The following GBA2 variants were observed in gnomAD, a reference collection of about 807,000 sequenced individuals.
GBA2 encodes glucosylceramidase beta 2.
A neutral mutation model predicts 112.9 loss-of-function variants in GBA2; 79 were observed. The ratio of observed to expected loss-of-function variants is 0.70; its 90% confidence interval spans 0.58 to 0.84. GBA2 has a LOEUF of 0.84. Among genes scored for constraint, GBA2 ranks in the 40% least tolerant of loss-of-function variants. The probability of loss-of-function intolerance (pLI) is 0.00; values close to 1 mark genes in which losing one functional copy is unlikely to be tolerated. For missense variants in GBA2, 1,043 were observed against 1,190.0 expected (o/e 0.88, Z 1.82); for synonymous variants, 403 against 434.3 (o/e 0.93, Z 0.90).
chr9:35,748,319 G>A (rs1827097077), intron 1 of GBA2, 27 bp downstream of exon 1: 3 of 1,372,366 alleles, frequency 2.2e-6, no homozygotes, highest in Non-Finnish European at 3.0e-6. Flanking sequence ...GAAGCCAAAG[G>A]CATTCTAGGC....
Position 35,739,618 on chromosome 9 carries a change from C to T in GBA2, c.1582+10G>A, listed in dbSNP as rs1826510006. On this transcript the variant is annotated intron_variant, in intron 9 of 16. Transcript: ENST00000378103. ...GGCCTGCCATATCCCAGCCCACCAG[C>T]ATCCTGTACCCTCAAGGTAGCCAAA... 1.2e-6 allele frequency: 2 copies of T among 1,612,012 alleles called. No homozygotes were observed. Among genetic ancestry groups the T allele is most frequent in the African/African-American group, 1.3e-5 (1 of 74,924 alleles).
intron 3 of GBA2, chr9:35,742,134 C>T: frequency 1.8e-6 from 1 of 558,664 alleles, no homozygotes; most frequent in East Asian, 3.0e-5. Flanking sequence ...AGCCCAATCT[C>T]CTGCTTTTTC....
In GBA2 at chr9:35,740,172, A is replaced by C. The variant is rs530698505; in HGVS notation, c.1283+37T>G. 5.8e-5 allele frequency: 93 copies of C among 1,613,960 alleles called. No homozygotes were observed. The South Asian group carries it at 1.0e-3, about 17-fold the overall frequency. ...AACACAAGCCCCAGGTCAGAGCCCC[A>C]GCACTCTGGATCCTTACACTTTCTT... On this transcript the variant is annotated intron_variant, in intron 7 of 16. Transcript: ENST00000378103. The surrounding 1 kb of genome is among the most constrained non-coding windows in gnomAD (Gnocchi z 4.7).
intron 1 of GBA2, 78 bp downstream of exon 1, chr9:35,748,268 C>T: frequency 1.1e-6 from 1 of 894,078 alleles, no homozygotes; most frequent in East Asian, 2.4e-5. Context: ...GCTTTCTTGC[C>T]CTTTCCCACC....
chr9:35,737,864 C>A lies in GBA2; in HGVS notation c.2389G>T (p.Ala797Ser). ...TGCATCCCATTCACAGCCCCCATGG[C>A]CCCTCCTGCAAAGGCCTGGACGTTC... ...ELNVQAFAGG[A>S]MGAVNGMQPH... Residue 797 changes from alanine to serine, a missense_variant, in exon 16 of 17, where the codon GCC becomes TCC. Physicochemically the swap from Ala to Ser is moderately conservative, Grantham distance 99. Transcript: ENST00000378103. The surrounding 1 kb of genome is among the most constrained non-coding windows in gnomAD (Gnocchi z 4.1). 1 of 1,613,718 alleles carries A rather than the reference C, an allele frequency of 6.2e-7. No homozygotes were observed. Among genetic ancestry groups the A allele is most frequent in the Non-Finnish European group, 8.5e-7 (1 of 1,179,874 alleles).
Position 35,748,847 on chromosome 9 carries a change from AG to A in GBA2, c.-144del, listed in dbSNP as rs1827145284. On this transcript the variant is annotated 5_prime_UTR_variant, in exon 1 of 17. An upstream open reading frame in the 5' UTR gains an earlier in-frame stop. Transcript: ENST00000378103. ...CTTAAATGAGCTGGTGTTTCAGTGG[AG>A]CCGGGGAGCTCTTGCTTCAGTGGGG... The A allele has an allele frequency of 1.7e-6, 1 of 598,702 alleles. No homozygotes were observed. The highest frequency in any genetic ancestry group is 2.9e-6 in the Non-Finnish European group (1 of 340,754). The allele number at this position is 598,702 out of a possible 1,614,324, so 37.1% of individuals were successfully genotyped here. A position where few individuals can be genotyped will look rare whatever the true frequency, so the allele number is the denominator to read the frequency against.
In GBA2 at chr9:35,739,051, C is replaced by T. The variant is rs370968821; in HGVS notation, c.1746G>A (p.Met582Ile). 3.1e-6 allele frequency: 5 copies of T among 1,613,616 alleles called. No individual in the cohort carries two copies. The highest frequency in any genetic ancestry group is 4.2e-6 in the Non-Finnish European group (5 of 1,179,798). The change falls in exon 11 of 17, where the codon ATG becomes ATA. Residue 582 changes from methionine to isoleucine, a missense_variant. Physicochemically the swap from Met to Ile is conservative, Grantham distance 10. Transcript: ENST00000378103. ...TGACGTTCCTCCTTTTCACAGGTGC[C>T]ATCACCCCACTCATCAGGTACCGTC... ...TRRRYLMSGV[M>I]APVKRRNVIP...
In GBA2 at chr9:35,741,135, C is replaced by G; in HGVS notation, c.787-71G>C. On this transcript the variant is annotated intron_variant, in intron 4 of 16. Transcript: ENST00000378103. The surrounding 1 kb of genome is among the most constrained non-coding windows in gnomAD (Gnocchi z 4.6). ...CTGACCCCACTCTGCTAGGATCAGT[C>G]CTGGGCACACAGAGGACCTGACTCA... is the stretch of plus-strand genomic sequence containing the variant. 1 of 1,545,080 alleles carries G rather than the reference C, an allele frequency of 6.5e-7. No homozygotes were observed. Among genetic ancestry groups the G allele is most frequent in the African/African-American group, 1.4e-5 (1 of 73,690 alleles).
chr9:35,741,321 G>GT lies in GBA2; in HGVS notation c.787-258dup. On this transcript the variant is annotated intron_variant, in intron 4 of 16. Coordinates refer to ENST00000378103, the MANE Select transcript of GBA2 (RefSeq NM_020944.3). The surrounding 1 kb of genome is among the most constrained non-coding windows in gnomAD (Gnocchi z 4.6). ...CAACCTCCCTTTCACAGGCCATGCAGTTTCTTTTTTTTTTTTTTTGGGGGG... is the reference window on the plus strand; with the variant it reads ...CAACCTCCCTTTCACAGGCCATGCAGTTTTCTTTTTTTTTTTTTTTGGGGGG... 1.9e-6 allele frequency: 1 copy of GT among 514,960 alleles called. No homozygotes were observed. Among genetic ancestry groups the GT allele is most frequent in the Non-Finnish European group, 3.4e-6 (1 of 291,316 alleles). The allele number at this position is 514,960 out of a possible 1,614,324, so 31.9% of individuals were successfully genotyped here. A position where few individuals can be genotyped will look rare whatever the true frequency, so the allele number is the denominator to read the frequency against.
Position 35,746,052 on chromosome 9 carries a change from C to T in GBA2, c.360-1346G>A, listed in dbSNP as rs1469033871. ...TATATACAAACTGTTATCTCAATTC[C>T]TAATCAGACATTGCCTTGTTATTTC... is the stretch of plus-strand genomic sequence containing the variant. On this transcript the variant is annotated intron_variant, in intron 1 of 16. Coordinates refer to ENST00000378103, the MANE Select transcript of GBA2 (RefSeq NM_020944.3). The surrounding 1 kb of genome is among the most constrained non-coding windows in gnomAD (Gnocchi z 5.2). Among the ~76,000 whole-genome samples, 19 of 152,174 alleles carry T rather than the reference C, an allele frequency of 1.2e-4. No homozygotes were observed.
chr9:35,737,634 G>A lies in GBA2; in HGVS notation c.2505+114C>T. 1.9e-6 allele frequency: 3 copies of A among 1,594,462 alleles called. No individual in the cohort carries two copies. The highest frequency in any genetic ancestry group is 2.6e-6 in the Non-Finnish European group (3 of 1,169,440). On this transcript the variant is annotated intron_variant, in intron 16 of 16. Transcript: ENST00000378103. The surrounding 1 kb of genome is among the most constrained non-coding windows in gnomAD (Gnocchi z 4.1). ...AATGCATACCAGGGAAAAATGGGAGGCTTTATAGACGGACAAGATGGCATT... is the reference window on the plus strand; with the variant it reads ...AATGCATACCAGGGAAAAATGGGAGACTTTATAGACGGACAAGATGGCATT...
In GBA2 at chr9:35,737,307, GC is replaced by G. The variant is rs1284766066; in HGVS notation, c.2645del (p.Ser882ThrfsTer7). ...GCAGGGCTAGCTGCATGGCCCATAT[GC>G]TCAGTGGCCGCATGTAGGCCAGTGA... ...FRSLAYMRPL[S>X]IWAMQLALQQ... On this transcript the variant is annotated frameshift_variant, in exon 17 of 17. Coordinates refer to ENST00000378103, the MANE Select transcript of GBA2 (RefSeq NM_020944.3). LOFTEE classifies it high-confidence loss of function. This position sits in a 1 kb window ranked among gnomAD's most constrained non-coding sequence, Gnocchi z 4.1. 1.2e-6 allele frequency: 2 copies of G among 1,614,088 alleles called. No homozygotes were observed. The highest frequency in any genetic ancestry group is 1.7e-6 in the Non-Finnish European group (2 of 1,179,996).
At chr9:35,744,583 T>A (rs1826879606) in intron 2 of GBA2, 32 bp downstream of exon 2, 1 of 1,371,388 alleles carries the variant, frequency 7.3e-7, no homozygotes, top group Non-Finnish European at 1.0e-6. Flanking sequence ...CTAGGCCTTC[T>A]CTGAGCAGAG....
rs1826671564 is a variant in GBA2 at position 35,741,372 on chromosome 9, G to GC, written c.786+299dup. 1 of 502,904 alleles carries GC rather than the reference G, an allele frequency of 2.0e-6. No individual in the cohort carries two copies. The highest frequency in any genetic ancestry group is 2.0e-5 in the African/African-American group (1 of 50,902). 31.2% of individuals were successfully genotyped at this position (502,904 alleles called of 1,614,324 possible). Reference sequence around the variant, plus strand: ...TGCGGTGGCGCAATCTCGGCTCACTGCAAGCTCCGCCTCCCGGGTTCACAC... The same window carrying GC: ...TGCGGTGGCGCAATCTCGGCTCACTGCCAAGCTCCGCCTCCCGGGTTCACAC... On this transcript the variant is annotated intron_variant, in intron 4 of 16. Coordinates refer to ENST00000378103, the MANE Select transcript of GBA2 (RefSeq NM_020944.3). This position sits in a 1 kb window ranked among gnomAD's most constrained non-coding sequence, Gnocchi z 4.6.
At chr9:35,743,392 A>G (rs548270285) in intron 3 of GBA2, 60 of 153,724 alleles carry the variant, frequency 3.9e-4, no homozygotes, top group African/African-American at 1.4e-3. Flanking sequence ...ACAGTATACA[A>G]AGAGCCTAGC....
Position 35,740,749 on chromosome 9 carries a change from G to A in GBA2, c.1026+76C>T. 2 of 1,572,152 alleles carry A rather than the reference G, an allele frequency of 1.3e-6. No individual in the cohort carries two copies. The highest frequency in any genetic ancestry group is 1.1e-5 in the South Asian group (1 of 88,850). ...GCCCAGGGGCTTACAGGAGTATGAT[G>A]AGGGTGGATGAAGAGACCATGCTGG... On this transcript the variant is annotated intron_variant, in intron 5 of 16. Coordinates refer to ENST00000378103, the MANE Select transcript of GBA2 (RefSeq NM_020944.3). The surrounding 1 kb of genome is among the most constrained non-coding windows in gnomAD (Gnocchi z 4.7).
chr9:35,743,651 A>C (rs1437744711), intron 3 of GBA2, among the ~76,000 whole-genome samples: 1 of 152,208 alleles, frequency 6.6e-6, no homozygotes, highest in Non-Finnish European at 1.5e-5. Flanking sequence ...GCAACTCTAA[A>C]GGGGCGGTCA....
intron 3 of GBA2, among the ~76,000 whole-genome samples, chr9:35,743,541 C>T (rs1826817021): frequency 6.6e-6 from 1 of 152,010 alleles, no homozygotes; most frequent in South Asian, 2.1e-4. Flanking sequence ...TAAACGTGAA[C>T]CAGGAAGGGT....
intron 1 of GBA2, 108 bp from the exon 2 acceptor site, chr9:35,744,814 C>A: frequency 1.4e-6 from 1 of 704,602 alleles, no homozygotes; most frequent in Non-Finnish European, 2.6e-6. Flanking sequence ...CCAAGGACAT[C>A]TGCTTTCAAA....
Sources: allele counts gnomAD v4.1 joint callset (sites outside exome capture counted in the v4.1 genomes callset), GRCh38; gene constraint gnomAD v4.1.1; non-coding constraint Gnocchi (gnomAD v3.1); transcripts MANE v1.5; gene names NCBI Gene and HGNC (gene_info 2026-07-23, HGNC 2026-07-21).